The following CHRM2 variants were observed in gnomAD, a reference collection of about 807,000 sequenced individuals.
The protein encoded by CHRM2 is muscarinic acetylcholine receptor M2.
In CHRM2, 8 loss-of-function variants were observed where a neutral mutation model predicts 25.0. The observed-to-expected ratio is 0.32, with a 90% confidence interval of 0.19 to 0.58. CHRM2 has a LOEUF of 0.58. CHRM2 is among the 20% of genes least tolerant of loss of function. The pLI, the probability that CHRM2 is intolerant of heterozygous loss-of-function variation, is 0.88. For missense variants in CHRM2, 440 were observed against 567.1 expected (o/e 0.78, Z 2.28); for synonymous variants, 202 against 205.7 (o/e 0.98, Z 0.15).
At chr7:136,938,915 C>CAAAAAAAAAAAA (rs56868385) in intron 2 of CHRM2, among the ~76,000 whole-genome samples, 10 of 66,950 alleles carry the variant, frequency 1.5e-4, no homozygotes, top group Non-Finnish European at 2.3e-4. Flanking sequence ...CTAGCTCTGC[C>CAAAAAAAAAAAA]AAAAAAAAAA....
chr7:136,978,458 T>C (rs996521927), intron 2 of CHRM2, among the ~76,000 whole-genome samples: 1 of 152,134 alleles, frequency 6.6e-6, no homozygotes, highest in Non-Finnish European at 1.5e-5. Flanking sequence ...TAGCGCATCT[T>C]TTTTTTATTG....
intron 2 of CHRM2, among the ~76,000 whole-genome samples, chr7:136,973,335 G>A (rs560486993): frequency 1.5e-4 from 17 of 112,292 alleles, no homozygotes; most frequent in African/African-American, 5.7e-4. Context: ...TGATGGTGAC[G>A]GTGTTAGGGA....
intron 3 of CHRM2, among the ~76,000 whole-genome samples, chr7:137,010,769 G>A (rs1233668304): frequency 6.6e-6 from 1 of 151,944 alleles, no homozygotes; most frequent in Non-Finnish European, 1.5e-5. Flanking sequence ...TAAATTTATT[G>A]TGTTCTACCT....
At chr7:136,959,093 A>G (rs959571297) in intron 2 of CHRM2, among the ~76,000 whole-genome samples, 1 of 152,176 alleles carries the variant, frequency 6.6e-6, no homozygotes, top group Admixed American at 6.5e-5. Context: ...TATCATGTGA[A>G]CAATGGTGAC....
intron 3 of CHRM2, among the ~76,000 whole-genome samples, chr7:136,995,677 T>C (rs990604700): frequency 2.0e-5 from 3 of 151,956 alleles, no homozygotes; most frequent in African/African-American, 2.4e-5. Context: ...GGTGGGAGGA[T>C]TGCATGGTCC....
At chr7:136,873,641 C>G (rs1795930352) in intron 2 of CHRM2, among the ~76,000 whole-genome samples, 1 of 152,158 alleles carries the variant, frequency 6.6e-6, no homozygotes, top group Non-Finnish European at 1.5e-5. Context: ...CAAACACAAG[C>G]TTGTTGGACT....
chr7:136,962,142 T>C (rs1488619038), intron 2 of CHRM2, among the ~76,000 whole-genome samples: 1 of 2,434 alleles, frequency 4.1e-4, no homozygotes, highest in East Asian at 2.1e-3. Context: ...GGTAATTCTG[T>C]TTTTTTTTTT....
At chr7:136,904,746 A>G (rs149713608) in intron 2 of CHRM2, among the ~76,000 whole-genome samples, 81 of 152,056 alleles carry the variant, frequency 5.3e-4, no homozygotes, top group African/African-American at 1.9e-3. Flanking sequence ...CTTTAGTCTC[A>G]TCTAAATGTT....
At chr7:137,001,280 GCA>G (rs1298290617) in intron 3 of CHRM2, among the ~76,000 whole-genome samples, 1 of 152,020 alleles carries the variant, frequency 6.6e-6, no homozygotes, top group Non-Finnish European at 1.5e-5. Context: ...CCGGCTTTAT[GCA>G]CAGTCATTTG....
In CHRM2 at chr7:136,965,280, AT is replaced by A. The variant is rs982247941; in HGVS notation, c.-124-26898del. ...ACATCTGCATATTGGTTAGGAGTCCATTTTTTTTTCCTAAATAGAGACAATC... is the reference window on the plus strand; with the variant it reads ...ACATCTGCATATTGGTTAGGAGTCCATTTTTTTTCCTAAATAGAGACAATC... On this transcript the variant is annotated intron_variant, in intron 2 of 3. Transcript: ENST00000680005. Among the ~76,000 whole-genome samples, 21 of 151,166 alleles carry A rather than the reference AT, an allele frequency of 1.4e-4. No homozygotes were observed. The East Asian group carries it at 2.5e-3, about 18-fold the overall frequency.
chr7:136,926,363 A>G (rs1798751344), intron 2 of CHRM2, among the ~76,000 whole-genome samples: 1 of 152,256 alleles, frequency 6.6e-6, no homozygotes. Context: ...GTCAGGCAGG[A>G]ATAGACTGCT....
chr7:136,933,889 G>A (rs74693187), intron 2 of CHRM2, among the ~76,000 whole-genome samples: 1,886 of 152,214 alleles, frequency 0.012, 34 homozygotes, highest in African/African-American at 0.043. Flanking sequence ...GTAGAATGGT[G>A]GTTGAGTAGG....
intron 2 of CHRM2, among the ~76,000 whole-genome samples, chr7:136,944,510 C>T (rs1430373734): frequency 6.6e-6 from 1 of 151,698 alleles, no homozygotes; most frequent in African/African-American, 2.4e-5. Flanking sequence ...TATATGTGTA[C>T]ATATATACGT....
chr7:136,974,823 A>T (rs189349600), intron 2 of CHRM2, among the ~76,000 whole-genome samples: 2 of 152,190 alleles, frequency 1.3e-5, no homozygotes. Context: ...GTCAGAGTAC[A>T]AGATAAATGT....
chr7:136,875,669 TTC>T (rs1796026065), intron 2 of CHRM2, among the ~76,000 whole-genome samples: 1 of 152,170 alleles, frequency 6.6e-6, no homozygotes, highest in Non-Finnish European at 1.5e-5. Flanking sequence ...CTGTTTAAAA[TTC>T]TTCAGTGTTT....
intron 2 of CHRM2, among the ~76,000 whole-genome samples, chr7:136,904,361 C>T (rs1446421543): frequency 6.6e-6 from 1 of 151,798 alleles, no homozygotes; most frequent in East Asian, 1.9e-4. Context: ...TTCTATATCT[C>T]TACTCATTAA....
chr7:136,979,439 C>G (rs930575773), intron 2 of CHRM2, among the ~76,000 whole-genome samples: 3 of 152,110 alleles, frequency 2.0e-5, no homozygotes, highest in Admixed American at 6.5e-5. Context: ...TGTAGAAGCT[C>G]TTTAGTTTAA....
chr7:136,896,508 A>G (rs1457700652), intron 2 of CHRM2, among the ~76,000 whole-genome samples: 2 of 152,060 alleles, frequency 1.3e-5, no homozygotes, highest in African/African-American at 2.4e-5. Context: ...AGCCCATTCA[A>G]CCCAGAGAGA....
chr7:136,977,133 C>T (rs555205621), intron 2 of CHRM2, among the ~76,000 whole-genome samples: 1 of 152,320 alleles, frequency 6.6e-6, no homozygotes, highest in South Asian at 2.1e-4. Context: ...CACATGGCTT[C>T]CCTCTAAAGC....
Sources: allele counts gnomAD v4.1 joint callset (sites outside exome capture counted in the v4.1 genomes callset), GRCh38; gene constraint gnomAD v4.1.1; transcripts MANE v1.5; gene names NCBI Gene and HGNC (gene_info 2026-07-23, HGNC 2026-07-21).